GDPD1: variants seen among roughly 807,000 people sequenced by gnomAD.
The protein encoded by GDPD1 is lysophospholipase D GDPD1.
A neutral mutation model predicts 45.1 loss-of-function variants in GDPD1; 28 were observed. The ratio of observed to expected loss-of-function variants is 0.62; its 90% confidence interval spans 0.46 to 0.85. GDPD1 has a LOEUF of 0.85. Among genes scored for constraint, GDPD1 ranks in the 40% least tolerant of loss-of-function variants. The pLI, the probability that GDPD1 is intolerant of heterozygous loss-of-function variation, is 0.00. For synonymous variants in GDPD1, 139 were observed against 131.4 expected, an observed-to-expected ratio of 1.06 and a Z score of -0.40; for missense variants, 256 against 364.8, an observed-to-expected ratio of 0.70 and a Z score of 2.43.
At chr17:59,271,053 C>T (rs2047440543) in intron 8 of GDPD1, 58 bp downstream of exon 8, 1 of 1,030,210 alleles carries the variant, frequency 9.7e-7, no homozygotes, top group Non-Finnish European at 1.5e-6. Flanking sequence ...TTATTAAATA[C>T]TACCCTTAAA....
At chr17:59,260,872 C>G (rs1347163656) in intron 6 of GDPD1, 2 of 152,168 alleles carry the variant, frequency 1.3e-5, no homozygotes, top group Admixed American at 1.3e-4. Context: ...AACAAACAAC[C>G]TCTTTGGGCA....
chr17:59,250,699 A>T (rs2047246511), intron 4 of GDPD1, among the ~76,000 whole-genome samples: 1 of 151,974 alleles, frequency 6.6e-6, no homozygotes, highest in East Asian at 1.9e-4. Flanking sequence ...AAGTCATGAA[A>T]CTGTTTTTTC....
chr17:59,273,668 A>T lies in GDPD1; in HGVS notation c.840A>T (p.Leu280Phe). 6.5e-7 allele frequency: 1 copy of T among 1,530,144 alleles called. No individual in the cohort carries two copies. The highest frequency in any genetic ancestry group is 9.0e-7 in the Non-Finnish European group (1 of 1,111,872). 94.8% of individuals were successfully genotyped at this position (1,530,144 alleles called of 1,614,324 possible). Reference sequence around the variant, plus strand: ...ATTTTCAGGTGTATATTTGGGTATTAAATGAAGAACAAGAATACAAAAGAG... The same window carrying T: ...ATTTTCAGGTGTATATTTGGGTATTTAATGAAGAACAAGAATACAAAAGAG... ...ARGIQVYIWV[L>F]NEEQEYKRAF... The change falls in exon 10 of 10, where the codon TTA becomes TTT. Residue 280 changes from leucine to phenylalanine, a missense_variant. Leu to Phe is a conservative substitution (Grantham distance 22). Coordinates refer to ENST00000284116, the MANE Select transcript of GDPD1 (RefSeq NM_182569.4).
chr17:59,256,051 G>A (rs1456898663), intron 4 of GDPD1, among the ~76,000 whole-genome samples: 1 of 151,070 alleles, frequency 6.6e-6, no homozygotes, highest in African/African-American at 2.4e-5. Flanking sequence ...CGGGTACATG[G>A]TTCATGCCTG....
intron 4 of GDPD1, among the ~76,000 whole-genome samples, chr17:59,250,350 G>C (rs896531829): frequency 2.0e-5 from 3 of 152,122 alleles, no homozygotes; most frequent in African/African-American, 7.2e-5. Context: ...AGCAGATGTG[G>C]TGGCTCACAC....
At chr17:59,249,752 T>C (rs1436121363) in intron 4 of GDPD1, among the ~76,000 whole-genome samples, 9 of 152,242 alleles carry the variant, frequency 5.9e-5, no homozygotes, top group African/African-American at 1.9e-4. Flanking sequence ...ATGATTCAAA[T>C]GTATAACTCA....
chr17:59,260,695 G>A (rs1218578180), intron 6 of GDPD1: 1 of 152,092 alleles, frequency 6.6e-6, no homozygotes, highest in African/African-American at 2.4e-5. Context: ...CTGTAATATA[G>A]AAGAAATATC....
intron 3 of GDPD1, among the ~76,000 whole-genome samples, chr17:59,246,273 T>C (rs944367968): frequency 1.4e-4 from 22 of 152,092 alleles, no homozygotes; most frequent in African/African-American, 5.3e-4. Flanking sequence ...TTTTTTAGAT[T>C]TGTATTCTCA....
chr17:59,242,872 C>T (rs1465775818), intron 2 of GDPD1, among the ~76,000 whole-genome samples: 2 of 152,186 alleles, frequency 1.3e-5, no homozygotes, highest in Admixed American at 1.3e-4. Context: ...CCACCCCCTC[C>T]TTGCAGTGCA....
intron 4 of GDPD1, among the ~76,000 whole-genome samples, chr17:59,256,179 C>T (rs1456434476): frequency 6.6e-6 from 1 of 151,722 alleles, no homozygotes; most frequent in South Asian, 2.1e-4. Flanking sequence ...ATTAGCCGAG[C>T]GTGATGGTGC....
intron 1 of GDPD1, among the ~76,000 whole-genome samples, chr17:59,233,321 G>A (rs2050888698): frequency 6.6e-6 from 1 of 152,110 alleles, no homozygotes; most frequent in Non-Finnish European, 1.5e-5. Context: ...AGACCATCCT[G>A]GCTAACACGG....
Position 59,257,108 on chromosome 17 carries a change from T to C in GDPD1, c.368-14T>C. The C allele has an allele frequency of 7.5e-7, 1 of 1,325,884 alleles. No individual in the cohort carries two copies. Among genetic ancestry groups the C allele is most frequent in the Non-Finnish European group, 1.1e-6 (1 of 939,764 alleles). 82.1% of individuals were successfully genotyped at this position (1,325,884 alleles called of 1,614,324 possible). ...TATATTTAAAAAATACATTTAAAAA[T>C]CTTGCTTTCTCAGCATGCCAGTGTG... On this transcript the variant is annotated splice_polypyrimidine_tract_variant and intron_variant, in intron 4 of 9. Coordinates refer to ENST00000284116, the MANE Select transcript of GDPD1 (RefSeq NM_182569.4).
At chr17:59,244,778 A>G (rs1486992427) in intron 2 of GDPD1, among the ~76,000 whole-genome samples, 1 of 151,610 alleles carries the variant, frequency 6.6e-6, no homozygotes, top group Non-Finnish European at 1.5e-5. Flanking sequence ...GGAGGATCAC[A>G]TGAGCCCAGG....
chr17:59,246,585 T>A (rs1000607881), intron 3 of GDPD1, among the ~76,000 whole-genome samples: 8 of 151,094 alleles, frequency 5.3e-5, no homozygotes, highest in Non-Finnish European at 1.0e-4. Context: ...GGCATGCGCC[T>A]GTAATCCCAG....
chr17:59,234,325 T>A (rs2047114607), intron 1 of GDPD1, among the ~76,000 whole-genome samples, 167 bp from the exon 2 acceptor site: 2 of 149,808 alleles, frequency 1.3e-5, no homozygotes, highest in Non-Finnish European at 3.0e-5. Context: ...CACTCCAGCC[T>A]GGGTGACAGA....
Position 59,271,012 on chromosome 17 carries a change from C to A in GDPD1, c.770+17C>A, listed in dbSNP as rs1400633523. ...TTCTGATCTGTAAGAATTTTAATTT[C>A]TTAATATGCAAGTTATTGCTTCAGC... On this transcript the variant is annotated intron_variant, in intron 8 of 9. Coordinates refer to ENST00000284116, the MANE Select transcript of GDPD1 (RefSeq NM_182569.4). 9 of 1,474,136 alleles carry A rather than the reference C, an allele frequency of 6.1e-6. No homozygotes were observed. The highest frequency in any genetic ancestry group is 8.5e-6 in the Non-Finnish European group (9 of 1,059,194). The allele number at this position is 1,474,136 out of a possible 1,614,324, so 91.3% of individuals were successfully genotyped here.
At chr17:59,241,387 G>A (rs1449550165) in intron 2 of GDPD1, among the ~76,000 whole-genome samples, 1 of 152,034 alleles carries the variant, frequency 6.6e-6, no homozygotes, top group East Asian at 1.9e-4. Context: ...GTGCGATCTT[G>A]GCTCACTGCA....
intron 1 of GDPD1, among the ~76,000 whole-genome samples, chr17:59,232,094 T>C (rs2047094829): frequency 6.6e-6 from 1 of 152,168 alleles, no homozygotes; most frequent in Non-Finnish European, 1.5e-5. Flanking sequence ...GGATGCCATA[T>C]GTCGACAAAG....
In GDPD1 at chr17:59,274,374, G is replaced by C. The variant is rs1036469599; in HGVS notation, c.*601G>C. The C allele has an allele frequency of 6.6e-6, 1 of 151,978 alleles. No homozygotes were observed. Among genetic ancestry groups the C allele is most frequent in the East Asian group, 1.9e-4 (1 of 5,130 alleles). The allele number at this position is 151,978 out of a possible 1,614,324, so 9.4% of individuals were successfully genotyped here. A position where few individuals can be genotyped will look rare whatever the true frequency, so the allele number is the denominator to read the frequency against. ...CCAAAAATACAAAAATTAACCATGC[G>C]TGGTGGTACACGTCTGTCATCCCAG... On this transcript the variant is annotated 3_prime_UTR_variant, in exon 10 of 10. Transcript: ENST00000284116.
Sources: allele counts gnomAD v4.1 joint callset (sites outside exome capture counted in the v4.1 genomes callset), GRCh38; gene constraint gnomAD v4.1.1; transcripts MANE v1.5; gene names NCBI Gene and HGNC (gene_info 2026-07-23, HGNC 2026-07-21).